Variants in INSRR observed in about 807,000 individuals in gnomAD.
INSRR encodes the protein insulin receptor related receptor.
In INSRR, 114 loss-of-function variants were observed where a neutral mutation model predicts 130.0. The ratio of observed to expected loss-of-function variants is 0.88; its 90% CI spans 0.75 to 1.02. INSRR has a LOEUF of 1.02. Among genes scored for constraint, INSRR ranks in the 50% least tolerant of loss-of-function variants. The probability of loss-of-function intolerance (pLI) is 0.00; values close to 1 mark genes in which losing one functional copy is unlikely to be tolerated. For missense variants in INSRR, 1,657 were observed against 1,735.2 expected, an observed-to-expected ratio of 0.95 and a Z score of 0.80; for synonymous variants, 674 against 705.2, an observed-to-expected ratio of 0.96 and a Z score of 0.70.
At position 156,844,766 on chromosome 1, in the gene INSRR, G is replaced by C; in HGVS notation, c.2515C>G (p.Pro839Ala). Residue 839 changes from proline (P) to alanine (A), a missense_variant, in exon 13 of 22, where the codon CCA becomes GCA. By Grantham distance (27) the Pro-to-Ala change is conservative. Coordinates refer to ENST00000368195, the MANE Select transcript of INSRR (RefSeq NM_014215.3). ...AGGATGAGTCCGTTGGGGTCTGGTG[G>C]CTCGAGCCAGCGCAGAAGGACACTG... The part of the protein sequence containing the change: ...KNSVLLRWLE[P>A]PDPNGLILKY... The C allele has an allele frequency of 6.2e-7, 1 of 1,614,146 alleles. No homozygotes were observed. The highest frequency in any genetic ancestry group is 8.5e-7 in the Non-Finnish European group (1 of 1,180,040).
In INSRR at chr1:156,843,069, G is replaced by C. The variant is rs1654859049; in HGVS notation, c.3061C>G (p.Pro1021Ala). The C allele has an allele frequency of 6.2e-7, 1 of 1,614,092 alleles. No individual in the cohort carries two copies. The highest frequency in any genetic ancestry group is 1.7e-4 in the Middle Eastern group (1 of 6,060). Residue 1021 changes from proline (P) to alanine (A), a missense_variant, in exon 17 of 22, where the codon CCA becomes GCA. Transcript: ENST00000368195. The stretch of plus-strand genomic sequence containing the variant: ...TTGAGGAACTCAATGCATTCCCGTG[G>C]GCTGGCCAGCTCATTCACCGTCTTC... ...ALKTVNELAS[P>A]RECIEFLKEA...
At position 156,851,653 on chromosome 1, in the gene INSRR, G is replaced by A. The variant is rs1655213364; in HGVS notation, c.1077C>T (p.Arg359=). The change falls in exon 4 of 22, where the codon CGC becomes CGT. Residue 359 remains arginine (R), a synonymous_variant. Coordinates refer to ENST00000368195, the MANE Select transcript of INSRR (RefSeq NM_014215.3). The part of the protein sequence containing the change: ...HVEGSLILNL[R]QGYNLEPQLQ... ...CCCAAAGTAGGTACTGACAGCCCTG[G>A]CGAAGGTTGAGGATGAGGCTTCCCT... The A allele has an allele frequency of 7.4e-6, 12 of 1,614,198 alleles. No homozygotes were observed. Among genetic ancestry groups the A allele is most frequent in the Non-Finnish European group, 1.0e-5 (12 of 1,180,014 alleles).
At position 156,845,379 on chromosome 1, in the gene INSRR, G is replaced by A. The variant is rs558710768; in HGVS notation, c.2209C>T (p.Pro737Ser). 5 of 1,574,726 alleles carry A rather than the reference G, an allele frequency of 3.2e-6. No individual in the cohort carries two copies. The African/African-American group carries it at 4.0e-5, about 13-fold the overall frequency. Residue 737 changes from proline to serine, a missense_variant, in exon 11 of 22, where the codon CCC becomes TCC. Coordinates refer to ENST00000368195, the MANE Select transcript of INSRR (RefSeq NM_014215.3). ...TGCCCTAGTCCTGCTCACCTTTGGGGGCTCTTGTTGATGGACGTCACCTTC... is the reference window on the plus strand; with the variant it reads ...TGCCCTAGTCCTGCTCACCTTTGGGAGCTCTTGTTGATGGACGTCACCTTC... ...PWKVTSINKS[P>S]QRDSGRHRRA...
rs1030785722 is a variant in INSRR, at chr1:156,846,450, G to A, written c.1810+69C>T. The A allele has an allele frequency of 3.4e-5, 44 of 1,277,594 alleles. No homozygotes were observed. The African/African-American group carries it at 5.7e-4, about 17-fold the overall frequency. 79.1% of individuals were successfully genotyped at this position (1,277,594 alleles called of 1,614,324 possible). Reference sequence around the variant, plus strand: ...TCAGTGCCCCGGCTTCTCTATTTCTGGTGCCTGTGCTCCCCTGTTCTCATG... The same window carrying A: ...TCAGTGCCCCGGCTTCTCTATTTCTAGTGCCTGTGCTCCCCTGTTCTCATG... On this transcript the variant is annotated intron_variant, in intron 8 of 21. Transcript: ENST00000368195.
intron 5 of INSRR, among the ~76,000 whole-genome samples, chr1:156,850,771 G>C (rs1655179417): frequency 6.6e-6 from 1 of 151,630 alleles, no homozygotes; most frequent in African/African-American, 2.4e-5. Flanking sequence ...TGGCCAGGCT[G>C]GTCTTGAATT....
chr1:156,848,920 C>G lies in INSRR; in HGVS notation c.1571+1G>C, dbSNP rs983679525. 1.9e-6 allele frequency: 3 copies of G among 1,567,690 alleles called. No homozygotes were observed. The African/African-American group carries it at 4.1e-5, about 21-fold the overall frequency. On this transcript the variant is annotated splice_donor_variant, in intron 7 of 21. Coordinates refer to ENST00000368195, the MANE Select transcript of INSRR (RefSeq NM_014215.3). LOFTEE classifies it high-confidence loss of function. Reference sequence around the variant, plus strand: ...GCTCCGGCCCCGCCCCCGGCACTCACGACTCCTTGTAGTACACGATGAAGC... The same window carrying G: ...GCTCCGGCCCCGCCCCCGGCACTCAGGACTCCTTGTAGTACACGATGAAGC...
At chr1:156,851,849 C>T (rs1655222310) in intron 3 of INSRR, 39 bp downstream of exon 3, 4 of 1,576,248 alleles carry the variant, frequency 2.5e-6, no homozygotes, top group Non-Finnish European at 1.7e-6. Context: ...CAGGCCTCCT[C>T]ACTGCTCCCA....
Position 156,842,996 on chromosome 1 carries a change from T to G in INSRR, c.3126+8A>C, listed in dbSNP as rs1308108274. On this transcript the variant is annotated splice_region_variant and intron_variant, in intron 17 of 21. Coordinates refer to ENST00000368195, the MANE Select transcript of INSRR (RefSeq NM_014215.3). The stretch of plus-strand genomic sequence containing the variant: ...ATGACCCTGACAATGCCCTTGGCTC[T>G]CCCTTACCACATGGTGACACTTGAA... The G allele has an allele frequency of 6.2e-7, 1 of 1,604,972 alleles. No individual in the cohort carries two copies. Among genetic ancestry groups the G allele is most frequent in the Non-Finnish European group, 8.5e-7 (1 of 1,172,232 alleles).
Position 156,845,157 on chromosome 1 carries a change from C to A in INSRR, c.2356G>T (p.Asp786Tyr), listed in dbSNP as rs1272070469. ...GCCGCGTGGTTGCAGGCATGGATGT[C>A]GATCCGGTATTCCGTGAAGTGGCGC... Reference protein sequence around the residue: ...GLRHFTEYRIDIHACNHAAHT... With the variant: ...GLRHFTEYRIYIHACNHAAHT... Residue 786 changes from aspartate (D) to tyrosine (Y), a missense_variant, in exon 12 of 22, where the codon GAC becomes TAC. By Grantham distance (160) the Asp-to-Tyr change is radical. Coordinates refer to ENST00000368195, the MANE Select transcript of INSRR (RefSeq NM_014215.3). 1 of 1,611,466 alleles carries A rather than the reference C, an allele frequency of 6.2e-7. No individual in the cohort carries two copies. The highest frequency in any genetic ancestry group is 1.3e-5 in the African/African-American group (1 of 74,914).
Position 156,849,368 on chromosome 1 carries a change from T to C in INSRR, c.1322A>G (p.Tyr441Cys). 1 of 1,613,634 alleles carries C rather than the reference T, an allele frequency of 6.2e-7. No homozygotes were observed. Among genetic ancestry groups the C allele is most frequent in the Non-Finnish European group, 8.5e-7 (1 of 1,179,960 alleles). Residue 441 changes from tyrosine (Y) to cysteine (C), a missense_variant, in exon 6 of 22, where the codon TAC (tyrosine) becomes TGC (cysteine). Coordinates refer to ENST00000368195, the MANE Select transcript of INSRR (RefSeq NM_014215.3). ...GCAGAGGCGCGGGTTGAAGGCGAAG[T>C]AGATCTTGCCCACGGGAATGGTGAG... is the stretch of plus-strand genomic sequence containing the variant. ...AGLTIPVGKI[Y>C]FAFNPRLCLE...
At chr1:156,841,246 T>G in intron 21 of INSRR, 142 bp from the exon 22 acceptor site, 1 of 952,596 alleles carries the variant, frequency 1.0e-6, no homozygotes, top group Non-Finnish European at 1.6e-6. Context: ...AATGGGAGTC[T>G]TGGGGGTTTG....
rs774953295 is a variant in INSRR, at chr1:156,849,463, G to A, written c.1230-3C>T. On this transcript the variant is annotated splice_region_variant and splice_polypyrimidine_tract_variant and intron_variant, in intron 5 of 21. Transcript: ENST00000368195. ...CCAGCACGTAGAGAGTGTAGTTCCT[G>A]GGGGAGGCCAGGGGACCTTGCTCTG... 4.3e-6 allele frequency: 7 copies of A among 1,610,444 alleles called. No individual in the cohort carries two copies. In the South Asian group the frequency reaches 7.7e-5, roughly 18 times the overall value.
At chr1:156,852,825 G>T (rs1431333009) in intron 2 of INSRR, among the ~76,000 whole-genome samples, 1 of 152,172 alleles carries the variant, frequency 6.6e-6, no homozygotes, top group Non-Finnish European at 1.5e-5. Flanking sequence ...CAGCAGCTGT[G>T]TTTACAGCCA....
intron 1 of INSRR, among the ~76,000 whole-genome samples, chr1:156,857,043 C>G (rs1392374605): frequency 6.6e-6 from 1 of 152,074 alleles, no homozygotes; most frequent in African/African-American, 2.4e-5. Context: ...TATCCAGGCC[C>G]CATTCCTGAT....
In INSRR at chr1:156,852,041, G is replaced by A. The variant is rs200640505; in HGVS notation, c.788C>T (p.Pro263Leu). Residue 263 changes from proline (P) to leucine (L), a missense_variant, in exon 3 of 22, where the codon CCG becomes CTG. Pro to Leu is a moderately conservative substitution (Grantham distance 98). Transcript: ENST00000368195. ...YFQGACLWAC[P>L]PGTYQYESWR... is the part of the protein sequence containing the mutation. ...GGACTCATACTGGTAGGTGCCTGGCGGGCAGGCCCACAGGCAGGCACCCTG... is the reference window on the plus strand; with the variant it reads ...GGACTCATACTGGTAGGTGCCTGGCAGGCAGGCCCACAGGCAGGCACCCTG... 40 of 1,613,484 alleles carry A rather than the reference G, an allele frequency of 2.5e-5. No individual in the cohort carries two copies. Among genetic ancestry groups the A allele is most frequent in the Admixed American group, 1.2e-4 (7 of 60,010 alleles).
At chr1:156,849,179 C>T in intron 6 of INSRR, 67 bp downstream of exon 6, 1 of 1,603,142 alleles carries the variant, frequency 6.2e-7, no homozygotes, top group Non-Finnish European at 8.5e-7. Context: ...CGAGCTTTCT[C>T]CCTCCCCCGG....
Position 156,844,114 on chromosome 1 carries a change from A to G in INSRR, c.2843+61T>C, listed in dbSNP as rs539255716. The G allele has an allele frequency of 1.2e-5, 15 of 1,248,974 alleles. No homozygotes were observed. In the East Asian group the frequency reaches 3.5e-4, roughly 29 times the overall value. 77.4% of individuals were successfully genotyped at this position (1,248,974 alleles called of 1,614,324 possible). A position where few individuals can be genotyped will look rare whatever the true frequency, so the allele number is the denominator to read the frequency against. ...ACTGTCTCATCTACCTCCCTTTGAC[A>G]GACTTTATGATGAGGGCTCAGGGAG... On this transcript the variant is annotated intron_variant, in intron 15 of 21. Transcript: ENST00000368195.
chr1:156,844,864 C>T lies in INSRR; in HGVS notation c.2438-21G>A, dbSNP rs554642017. 25 of 1,613,292 alleles carry T rather than the reference C, an allele frequency of 1.5e-5. 1 individual carries two copies. In the South Asian group the frequency reaches 2.3e-4, roughly 15 times the overall value. On this transcript the variant is annotated intron_variant, in intron 12 of 21. Transcript: ENST00000368195. ...CTCTCCTGCGGGAAGGGGCATCCAGCAGCCGGGCCAAAAGTGGTTCATCTC... is the reference window on the plus strand; with the variant it reads ...CTCTCCTGCGGGAAGGGGCATCCAGTAGCCGGGCCAAAAGTGGTTCATCTC...
intron 1 of INSRR, among the ~76,000 whole-genome samples, 155 bp downstream of exon 1, chr1:156,858,382 G>T (rs1484963721): frequency 2.0e-5 from 3 of 152,210 alleles, no homozygotes; most frequent in African/African-American, 7.2e-5. Flanking sequence ...GGAACTAACT[G>T]CTTTTCCTGC....
Sources: gnomAD v4.1 joint callset for allele counts (sites outside exome capture counted in the v4.1 genomes callset) on GRCh38, gnomAD v4.1.1 for gene constraint, MANE v1.5 for transcripts, NCBI Gene and HGNC (gene_info 2026-07-23, HGNC 2026-07-21) for gene names.